The following TNRC6B variants were observed in gnomAD, a reference collection of about 807,000 sequenced individuals.
TNRC6B encodes the protein trinucleotide repeat-containing gene 6B protein.
In TNRC6B, 52 loss-of-function variants were observed where a neutral mutation model predicts 203.6. The ratio of observed to expected loss-of-function variants is 0.26; its 90% CI spans 0.20 to 0.32. The LOEUF is 0.32. Among genes scored for constraint, TNRC6B ranks in the 10% least tolerant of loss-of-function variants. TNRC6B has a pLI of 1.00. For missense variants in TNRC6B, 1,923 were observed against 2,286.2 expected, an observed-to-expected ratio of 0.84 and a Z score of 3.24; for synonymous variants, 838 against 845.7, an observed-to-expected ratio of 0.99 and a Z score of 0.16.
intron 1 of TNRC6B, among the ~76,000 whole-genome samples, chr22:40,067,434 G>A (rs571554279): frequency 3.9e-5 from 6 of 152,238 alleles, no homozygotes; most frequent in African/African-American, 1.2e-4. Context: ...ATATATATTT[G>A]TATGGATACA....
intron 1 of TNRC6B, among the ~76,000 whole-genome samples, chr22:40,219,123 G>T (rs887082247): frequency 2.0e-5 from 3 of 152,210 alleles, no homozygotes; most frequent in African/African-American, 7.2e-5. Flanking sequence ...GTCACCCATT[G>T]TATAGGATTT....
At position 40,315,525 on chromosome 22, in the gene TNRC6B, A is replaced by G. The variant is rs2071245762; in HGVS notation, c.4903+18A>G. 1.2e-6 allele frequency: 2 copies of G among 1,611,614 alleles called. No homozygotes were observed. Among genetic ancestry groups the G allele is most frequent in the East Asian group, 2.2e-5 (1 of 44,854 alleles). Reference sequence around the variant, plus strand: ...CGCCTCGGGTGAGGAGGATCTGCCTAAAGGAACACCATTGTTCATCCACAA... The same window carrying G: ...CGCCTCGGGTGAGGAGGATCTGCCTGAAGGAACACCATTGTTCATCCACAA... On this transcript the variant is annotated intron_variant, in intron 20 of 22. Transcript: ENST00000454349.
At chr22:40,134,428 A>G (rs1441598772) in intron 3 of TNRC6B, among the ~76,000 whole-genome samples, 1 of 152,212 alleles carries the variant, frequency 6.6e-6, no homozygotes, top group Non-Finnish European at 1.5e-5. Flanking sequence ...AAACTGAGAA[A>G]AATCTGAGGA....
chr22:40,278,475 G>A (rs768950113), intron 9 of TNRC6B, among the ~76,000 whole-genome samples: 3 of 150,888 alleles, frequency 2.0e-5, no homozygotes, highest in Non-Finnish European at 2.9e-5. Context: ...GGAGAATGGC[G>A]TGAACCCAGG....
At chr22:40,282,868 C>CT (rs2070735542) in intron 11 of TNRC6B, among the ~76,000 whole-genome samples, 1 of 151,958 alleles carries the variant, frequency 6.6e-6, no homozygotes, top group South Asian at 2.1e-4. Flanking sequence ...AATTTGTATG[C>CT]TTTTTTGAGT....
At chr22:40,257,943 G>A (rs559777502) in intron 3 of TNRC6B, among the ~76,000 whole-genome samples, 143 of 152,212 alleles carry the variant, frequency 9.4e-4, no homozygotes, top group African/African-American at 3.4e-3. Flanking sequence ...GAACCTGGAA[G>A]GTGGAGGTTG....
At chr22:40,055,782 G>C (rs182922469) in intron 1 of TNRC6B, among the ~76,000 whole-genome samples, 15 of 152,288 alleles carry the variant, frequency 9.8e-5, no homozygotes, top group Admixed American at 8.5e-4. Flanking sequence ...TAGATCACCT[G>C]AGGTGAGTGC....
chr22:40,064,667 A>G (rs1190852056), intron 1 of TNRC6B, among the ~76,000 whole-genome samples: 2 of 150,590 alleles, frequency 1.3e-5, no homozygotes, highest in Admixed American at 1.3e-4. Flanking sequence ...GCCAGGTGGA[A>G]GTGTAGTGGC....
At chr22:40,093,556 C>T (rs2068165249) in intron 1 of TNRC6B, among the ~76,000 whole-genome samples, 1 of 152,214 alleles carries the variant, frequency 6.6e-6, no homozygotes, top group South Asian at 2.1e-4. Flanking sequence ...TGATAGCTGA[C>T]TTTTCAGTGA....
At chr22:40,268,912 C>CAAA (rs1045950958) in intron 5 of TNRC6B, among the ~76,000 whole-genome samples, 2 of 148,922 alleles carry the variant, frequency 1.3e-5, no homozygotes, top group African/African-American at 2.5e-5. Flanking sequence ...GACTCCGTCT[C>CAAA]AAAAAATAAT....
chr22:40,277,566 C>G (rs953074161), intron 8 of TNRC6B, among the ~76,000 whole-genome samples: 2 of 152,198 alleles, frequency 1.3e-5, no homozygotes, highest in Non-Finnish European at 2.9e-5. Flanking sequence ...CTCTCGGCAA[C>G]GTTGTGGGGA....
intron 1 of TNRC6B, among the ~76,000 whole-genome samples, chr22:40,084,945 C>T (rs747416683): frequency 6.6e-6 from 1 of 152,240 alleles, no homozygotes; most frequent in Non-Finnish European, 1.5e-5. Flanking sequence ...GTCCCCTCTC[C>T]TGCTGAACAG....
At chr22:40,255,041 A>C (rs1374436567) in intron 3 of TNRC6B, among the ~76,000 whole-genome samples, 1 of 152,218 alleles carries the variant, frequency 6.6e-6, no homozygotes, top group Non-Finnish European at 1.5e-5. Context: ...TTGTCAACTC[A>C]GGAAGGTTTA....
intron 3 of TNRC6B, among the ~76,000 whole-genome samples, chr22:40,257,727 G>A (rs1456734120): frequency 6.8e-6 from 1 of 147,852 alleles, no homozygotes. Context: ...AAAAAAAAAA[G>A]TAAATGAATG....
At chr22:40,195,834 A>G (rs1345573357) in intron 1 of TNRC6B, among the ~76,000 whole-genome samples, 1 of 152,176 alleles carries the variant, frequency 6.6e-6, no homozygotes, top group Non-Finnish European at 1.5e-5. Flanking sequence ...CAGTGGCGCA[A>G]TATCAGCTCA....
chr22:40,254,076 G>A (rs962666047), intron 3 of TNRC6B, among the ~76,000 whole-genome samples: 3 of 152,138 alleles, frequency 2.0e-5, no homozygotes, highest in Non-Finnish European at 4.4e-5. Context: ...AAAAAAAACT[G>A]TGAGAATTCT....
intron 1 of TNRC6B, among the ~76,000 whole-genome samples, chr22:40,197,828 T>G (rs1299643346): frequency 6.6e-6 from 1 of 151,534 alleles, no homozygotes; most frequent in East Asian, 1.9e-4. Flanking sequence ...CTCAGGCTGG[T>G]CTTGAACTCC....
intron 1 of TNRC6B, among the ~76,000 whole-genome samples, chr22:40,048,939 C>T (rs369130808): frequency 6.6e-5 from 10 of 152,080 alleles, no homozygotes; most frequent in Admixed American, 3.9e-4. Flanking sequence ...CCCGCTCCCC[C>T]CTCCCAACTT....
At chr22:40,248,544 T>C (rs1001826180) in intron 2 of TNRC6B, among the ~76,000 whole-genome samples, 2 of 152,206 alleles carry the variant, frequency 1.3e-5, no homozygotes, top group Non-Finnish European at 2.9e-5. Flanking sequence ...TAATAAAATA[T>C]GCCTCTGTAA....
Sources: gnomAD v4.1 joint callset for allele counts (sites outside exome capture counted in the v4.1 genomes callset) on GRCh38, gnomAD v4.1.1 for gene constraint, MANE v1.5 for transcripts, NCBI Gene and HGNC (gene_info 2026-07-23, HGNC 2026-07-21) for gene names.